The following SPATA1 variants were observed in gnomAD, a reference collection of about 807,000 sequenced individuals.
SPATA1 encodes the protein spermatogenesis-associated protein 1.
A neutral mutation model predicts 59.6 loss-of-function variants in SPATA1; 57 were observed. The ratio of observed to expected loss-of-function variants is 0.96; its 90% confidence interval spans 0.77 to 1.19. The LOEUF (loss-of-function observed/expected upper bound fraction) is 1.19, where lower values mean the gene tolerates loss of function less well. Among genes scored for constraint, SPATA1 ranks in the 50% most tolerant of loss-of-function variants. The probability of loss-of-function intolerance (pLI) is 0.00; values close to 1 mark genes in which losing one functional copy is unlikely to be tolerated. For synonymous variants in SPATA1, 147 were observed against 163.9 expected (o/e 0.90, Z 0.79); for missense variants, 448 against 480.7 (o/e 0.93, Z 0.64).
chr1:84,513,029 A>C (rs1195036276), intron 1 of SPATA1, among the ~76,000 whole-genome samples: 1 of 142,634 alleles, frequency 7.0e-6, no homozygotes, highest in African/African-American at 2.9e-5. Context: ...AAAAAATGTG[A>C]AAATCCCACA....
intron 1 of SPATA1, among the ~76,000 whole-genome samples, chr1:84,509,645 A>AG (rs2101905434): frequency 6.6e-6 from 1 of 152,364 alleles, no homozygotes; most frequent in African/African-American, 2.4e-5. Flanking sequence ...ACATGCCTGT[A>AG]GTCGCAGCTA....
chr1:84,510,684 C>G (rs1682497470), intron 1 of SPATA1, among the ~76,000 whole-genome samples: 1 of 152,168 alleles, frequency 6.6e-6, no homozygotes, highest in South Asian at 2.1e-4. Flanking sequence ...GAAAAGAAAC[C>G]AGTATATCGA....
At chr1:84,543,975 T>C (rs899645903) in intron 8 of SPATA1, among the ~76,000 whole-genome samples, 5 of 152,086 alleles carry the variant, frequency 3.3e-5, no homozygotes, top group Non-Finnish European at 5.9e-5. Context: ...AAATAACAGA[T>C]TTTTTTTAAA....
chr1:84,555,480 T>C (rs369314997), downstream of SPATA1, among the ~76,000 whole-genome samples: 2 of 152,368 alleles, frequency 1.3e-5, no homozygotes, highest in Admixed American at 6.5e-5. Context: ...ATTTCGTTCA[T>C]TTTCAACTTA....
Position 84,563,730 on chromosome 1 carries a change from C to G in SPATA1, n.443-2131C>G, listed in dbSNP as rs745323457. 12 of 1,538,902 alleles carry G rather than the reference C, an allele frequency of 7.8e-6. No homozygotes were observed. The South Asian group carries it at 1.4e-4, about 17-fold the overall frequency. On this transcript the variant is annotated intron_variant and non_coding_transcript_variant, in intron 4 of 4. Transcript: ENST00000460286. ...AAAAATTATGTAACAAATGACTGTTCCTACCTCAGACAGATTCAGGCAGGT... is the reference window on the plus strand; with the variant it reads ...AAAAATTATGTAACAAATGACTGTTGCTACCTCAGACAGATTCAGGCAGGT...
At chr1:84,563,640 A>C in intron 4 of SPATA1, 1 of 775,030 alleles carries the variant, frequency 1.3e-6, no homozygotes, top group South Asian at 2.6e-5. Flanking sequence ...ACTATATTTC[A>C]GAGATTCTAA....
At chr1:84,550,334 C>G (rs1684233026) in intron 11 of SPATA1, 98 bp from the exon 12 acceptor site, 1 of 534,790 alleles carries the variant, frequency 1.9e-6, no homozygotes, top group Admixed American at 4.3e-5. Flanking sequence ...ATGATTTACT[C>G]TTTTGATCTT....
intron 10 of SPATA1, among the ~76,000 whole-genome samples, chr1:84,546,251 C>T (rs189771844): frequency 3.9e-4 from 59 of 152,114 alleles, no homozygotes; most frequent in African/African-American, 1.3e-3. Context: ...GTCAGGAGTT[C>T]GAGACCAGCC....
At chr1:84,555,007 G>T, downstream of SPATA1, 2 of 1,613,176 alleles carry the variant, frequency 1.2e-6, no homozygotes, top group Non-Finnish European at 1.7e-6. Flanking sequence ...GTTCATCTCT[G>T]TAACAGCTTT....
At chr1:84,514,645 A>G (rs1470164458) in intron 1 of SPATA1, among the ~76,000 whole-genome samples, 1 of 152,132 alleles carries the variant, frequency 6.6e-6, no homozygotes, top group African/African-American at 2.4e-5. Flanking sequence ...GCAGGTCTTG[A>G]CTGATCTATC....
At position 84,526,427 on chromosome 1, in the gene SPATA1, G is replaced by GGATCAGGA. The variant is rs1558585753; in HGVS notation, c.544+355_544+356insATCAGGAG. Among the ~76,000 whole-genome samples, 20 of 152,012 alleles carry GGATCAGGA rather than the reference G, an allele frequency of 1.3e-4. No individual in the cohort carries two copies. In the East Asian group the frequency reaches 1.7e-3, roughly 13 times the overall value. ...ACTTTGGTATTACTCAGAGACCAGA[G>GGATCAGGA]GGATCAGGAAAACAGTATCAAACCA... On this transcript the variant is annotated intron_variant, in intron 6 of 12. Coordinates refer to ENST00000490879, the Ensembl canonical transcript of SPATA1.
chr1:84,547,497 A>G (rs72950322), intron 10 of SPATA1, among the ~76,000 whole-genome samples: 5,803 of 152,300 alleles, frequency 0.038, 391 homozygotes, highest in African/African-American at 0.13. Context: ...CAGACAATAA[A>G]CAAGTAAGAC....
chr1:84,531,191 G>A (rs1460959260), intron 6 of SPATA1, among the ~76,000 whole-genome samples: 1 of 151,908 alleles, frequency 6.6e-6, no homozygotes, highest in Non-Finnish European at 1.5e-5. Flanking sequence ...TTGAGACAGG[G>A]TCTCTCTCCA....
chr1:84,564,530 T>C (rs934371698), intron 4 of SPATA1, among the ~76,000 whole-genome samples: 2 of 152,160 alleles, frequency 1.3e-5, no homozygotes, highest in African/African-American at 4.8e-5. Flanking sequence ...ACATATTGGT[T>C]TATTTAGTTT....
chr1:84,536,530 G>GC (rs1378499418), intron 8 of SPATA1, among the ~76,000 whole-genome samples: 1 of 152,080 alleles, frequency 6.6e-6, no homozygotes, highest in Admixed American at 6.5e-5. Context: ...TGCAAGCTCC[G>GC]CCCCCCGGGT....
At chr1:84,540,715 T>C (rs1208027969) in intron 8 of SPATA1, among the ~76,000 whole-genome samples, 1 of 152,258 alleles carries the variant, frequency 6.6e-6, no homozygotes, top group East Asian at 1.9e-4. Context: ...CAGCCTATAC[T>C]AGGAAAAGAT....
chr1:84,528,725 T>C (rs1683336022), intron 6 of SPATA1, among the ~76,000 whole-genome samples: 1 of 152,246 alleles, frequency 6.6e-6, no homozygotes. Context: ...GAATTGGCAT[T>C]GTTCATTGTT....
intron 2 of SPATA1, among the ~76,000 whole-genome samples, chr1:84,518,811 A>G (rs1682898396): frequency 6.6e-6 from 1 of 151,926 alleles, no homozygotes; most frequent in South Asian, 2.1e-4. Context: ...CATGAGACCT[A>G]CCCTGACTAT....
At chr1:84,534,641 C>G (rs1056103177) in intron 8 of SPATA1, among the ~76,000 whole-genome samples, 6 of 152,050 alleles carry the variant, frequency 3.9e-5, no homozygotes, top group Admixed American at 3.9e-4. Flanking sequence ...AATAACATAG[C>G]AAAAACCAGT....
Sources: gnomAD v4.1 joint callset for allele counts (sites outside exome capture counted in the v4.1 genomes callset) on GRCh38, gnomAD v4.1.1 for gene constraint, MANE v1.5 for transcripts, NCBI Gene and HGNC (gene_info 2026-07-23, HGNC 2026-07-21) for gene names.